The following AIDA variants were observed in gnomAD, a reference collection of about 807,000 sequenced individuals.
AIDA encodes the protein axin interactor, dorsalization-associated protein.
In AIDA, 18 loss-of-function variants were observed where a neutral mutation model predicts 42.7. That is an observed-to-expected ratio of 0.42 (90% CI 0.29 to 0.63). The LOEUF is 0.63. Among genes scored for constraint, AIDA ranks in the 20% least tolerant of loss-of-function variants. AIDA has a pLI of 0.19. For missense variants in AIDA, 250 were observed against 354.1 expected (o/e 0.71, Z 2.36); for synonymous variants, 104 against 122.9 (o/e 0.85, Z 1.02).
chr1:222,678,497 G>A (rs80310050), intron 6 of AIDA, among the ~76,000 whole-genome samples: 2,693 of 152,052 alleles, frequency 0.018, 78 homozygotes, highest in African/African-American at 0.061. Context: ...GAAATAATGA[G>A]GCTGACATTT....
At chr1:222,683,764 T>G (rs1202591729) in intron 6 of AIDA, among the ~76,000 whole-genome samples, 1 of 152,230 alleles carries the variant, frequency 6.6e-6, no homozygotes, top group Non-Finnish European at 1.5e-5. Flanking sequence ...TACTTTCTAT[T>G]TAAATGAAAT....
chr1:222,689,579 A>AT, intron 4 of AIDA, among the ~76,000 whole-genome samples: 1 of 133,972 alleles, frequency 7.5e-6, no homozygotes, highest in East Asian at 2.2e-4. Flanking sequence ...GTATATATAT[A>AT]TACACACACA....
At chr1:222,710,819 A>G (rs1174578138) in intron 1 of AIDA, among the ~76,000 whole-genome samples, 1 of 152,176 alleles carries the variant, frequency 6.6e-6, no homozygotes, top group Non-Finnish European at 1.5e-5. Flanking sequence ...AAATGAGAAT[A>G]ATTATATTCT....
intron 6 of AIDA, 134 bp downstream of exon 6, chr1:222,686,796 A>T: frequency 9.5e-7 from 1 of 1,050,698 alleles, no homozygotes; most frequent in Non-Finnish European, 1.4e-6. Context: ...AGCTACTGCC[A>T]ATAAAATTTG....
intron 6 of AIDA, among the ~76,000 whole-genome samples, chr1:222,677,376 GT>G (rs1420987239): frequency 6.6e-6 from 1 of 152,014 alleles, no homozygotes; most frequent in Non-Finnish European, 1.5e-5. Context: ...AAAGGGACAG[GT>G]TTCCCCCCCT....
intron 6 of AIDA, among the ~76,000 whole-genome samples, chr1:222,686,721 A>G (rs1190116086): frequency 6.6e-6 from 1 of 152,186 alleles, no homozygotes; most frequent in African/African-American, 2.4e-5. Flanking sequence ...ATCACTGAAC[A>G]TGGGAATGGT....
At chr1:222,703,243 G>A (rs781259002) in intron 1 of AIDA, 26 bp from the exon 2 acceptor site, 158 of 1,566,618 alleles carry the variant, frequency 1.0e-4, no homozygotes, top group Non-Finnish European at 1.3e-4. Context: ...ATATTCTTTA[G>A]AATGGAAGAA....
rs570626665 is a variant in AIDA, at chr1:222,698,786, C to G, written c.180+4362G>C. On this transcript the variant is annotated intron_variant, in intron 2 of 9. Coordinates refer to ENST00000340020, the MANE Select transcript of AIDA (RefSeq NM_022831.4). ...TTTTAAGGGCTCACTGTGCACTAGA[C>G]AGTAACAAGTTTCATAAAGAAAGCA... 3.9e-5 allele frequency among the ~76,000 whole-genome samples: 6 copies of G among 152,060 alleles called. No individual in the cohort carries two copies. The East Asian group carries it at 1.2e-3, about 29-fold the overall frequency.
chr1:222,697,522 T>C (rs563964243), intron 2 of AIDA, among the ~76,000 whole-genome samples: 15 of 151,578 alleles, frequency 9.9e-5, no homozygotes, highest in Admixed American at 6.6e-4. Flanking sequence ...TACTGACAAT[T>C]AAGACTTGAA....
intron 2 of AIDA, among the ~76,000 whole-genome samples, chr1:222,694,939 A>C (rs1460627842): frequency 5.3e-5 from 8 of 152,214 alleles, no homozygotes; most frequent in Non-Finnish European, 1.0e-4. Flanking sequence ...GAAACAGAAC[A>C]AGATCTGTAT....
At chr1:222,700,648 G>A (rs36077973) in intron 2 of AIDA, among the ~76,000 whole-genome samples, 4,375 of 151,926 alleles carry the variant, frequency 0.029, 216 homozygotes, top group African/African-American at 0.099. Context: ...CCAGCTACTC[G>A]GGAGGCTGAG....
intron 6 of AIDA, among the ~76,000 whole-genome samples, chr1:222,676,731 C>T (rs996233755): frequency 6.6e-6 from 1 of 152,108 alleles, no homozygotes; most frequent in African/African-American, 2.4e-5. Flanking sequence ...TCACAGCTCA[C>T]TGCAGCCTCG....
At chr1:222,707,214 G>A (rs546803323) in intron 1 of AIDA, among the ~76,000 whole-genome samples, 1 of 152,156 alleles carries the variant, frequency 6.6e-6, no homozygotes, top group African/African-American at 2.4e-5. Flanking sequence ...CTGGAGTGCA[G>A]TGGCATGATC....
At chr1:222,682,944 T>C (rs1232831444) in intron 6 of AIDA, among the ~76,000 whole-genome samples, 1 of 152,218 alleles carries the variant, frequency 6.6e-6, no homozygotes, top group Non-Finnish European at 1.5e-5. Context: ...ACCATTTATT[T>C]GTTTGAATTG....
At chr1:222,689,312 C>T (rs999753283) in intron 4 of AIDA, among the ~76,000 whole-genome samples, 4 of 150,440 alleles carry the variant, frequency 2.7e-5, no homozygotes, top group South Asian at 2.1e-4. Flanking sequence ...TGGTGGCACA[C>T]GCCTGTAATT....
intron 3 of AIDA, 55 bp downstream of exon 3, chr1:222,694,155 C>A: frequency 6.8e-7 from 1 of 1,480,732 alleles, no homozygotes. Context: ...TGTTTTATCA[C>A]AATAATGCAG....
intron 1 of AIDA, among the ~76,000 whole-genome samples, chr1:222,708,822 G>A (rs571843370): frequency 8.5e-5 from 13 of 152,288 alleles, no homozygotes; most frequent in African/African-American, 2.9e-4. Context: ...ATTTTTAATT[G>A]ATCATCTAAT....
At chr1:222,703,359 TTC>T in intron 1 of AIDA, 142 bp from the exon 2 acceptor site, 4 of 532,260 alleles carry the variant, frequency 7.5e-6, no homozygotes, top group Non-Finnish European at 9.4e-6. Context: ...AACCAAATTC[TTC>T]TCAAAAAAAA....
Position 222,669,996 on chromosome 1 carries a change from T to C in AIDA, c.825-7A>G. ...GTCAGTGGGTTTCTTGTATCTGTAA[T>C]CACAACAGAAAGACCATTGTTTAAA... On this transcript the variant is annotated splice_polypyrimidine_tract_variant and splice_region_variant and intron_variant, in intron 9 of 9. Transcript: ENST00000340020. 6.2e-7 allele frequency: 1 copy of C among 1,614,132 alleles called. No individual in the cohort carries two copies. The highest frequency in any genetic ancestry group is 8.5e-7 in the Non-Finnish European group (1 of 1,179,980).
Sources: allele counts gnomAD v4.1 joint callset (sites outside exome capture counted in the v4.1 genomes callset), GRCh38; gene constraint gnomAD v4.1.1; transcripts MANE v1.5; gene names NCBI Gene and HGNC (gene_info 2026-07-23, HGNC 2026-07-21).